The following SDK1 variants were observed in gnomAD, a reference collection of about 807,000 sequenced individuals.
SDK1 encodes protein sidekick-1.
In SDK1, 157 loss-of-function variants were observed where a neutral mutation model predicts 245.5. The ratio of observed to expected loss-of-function variants is 0.64; its 90% CI spans 0.56 to 0.73. The LOEUF is 0.73. Ranked by LOEUF, SDK1 falls within the 30% of genes least tolerant of loss-of-function variation. SDK1 has a pLI of 0.00. For synonymous variants in SDK1, 1,647 were observed against 1,278.5 expected, an observed-to-expected ratio of 1.29 and a Z score of -6.15; for missense variants, 3,583 against 3,002.3, an observed-to-expected ratio of 1.19 and a Z score of -4.52.
In SDK1 at chr7:4,173,657, C is replaced by T. The variant is rs537737048; in HGVS notation, c.4801-565C>T. Among the ~76,000 whole-genome samples, 248 of 152,312 alleles carry T rather than the reference C, an allele frequency of 1.6e-3. 1 individual carries two copies. The Middle Eastern group carries it at 0.037, about 23-fold the overall frequency. On this transcript the variant is annotated intron_variant, in intron 32 of 44. Transcript: ENST00000404826. ...GCCTGGGGCAGCTGAAGCAGATCAC[C>T]GGACCGCAAGATGATAGGCCAGGCC...
intron 1 of SDK1, among the ~76,000 whole-genome samples, chr7:3,588,663 C>G (rs1780764864): frequency 6.6e-6 from 1 of 152,250 alleles, no homozygotes; most frequent in Admixed American, 6.5e-5. Flanking sequence ...CTTTTGGGCA[C>G]CTCACTGATG....
intron 4 of SDK1, among the ~76,000 whole-genome samples, chr7:3,770,219 T>C (rs527506236): frequency 1.3e-5 from 2 of 152,272 alleles, no homozygotes; most frequent in South Asian, 4.2e-4. Flanking sequence ...ATACAATATG[T>C]AACCATTTGA....
At chr7:4,172,962 A>G (rs1180670430) in intron 32 of SDK1, among the ~76,000 whole-genome samples, 1 of 152,138 alleles carries the variant, frequency 6.6e-6, no homozygotes, top group Non-Finnish European at 1.5e-5. Flanking sequence ...CTGTTTCCAA[A>G]TAAGGTCAGG....
chr7:3,439,842 T>A (rs1780143777), intron 1 of SDK1, among the ~76,000 whole-genome samples: 1 of 152,218 alleles, frequency 6.6e-6, no homozygotes, highest in East Asian at 1.9e-4. Flanking sequence ...ACCTCCTTGC[T>A]TACTAGAGGG....
chr7:3,940,987 T>C (rs1360143784), intron 5 of SDK1, among the ~76,000 whole-genome samples: 6 of 151,824 alleles, frequency 4.0e-5, no homozygotes, highest in African/African-American at 1.5e-4. Context: ...CAGGCACGTC[T>C]TAGGAAGCTT....
At chr7:3,524,032 C>T (rs1397344934) in intron 1 of SDK1, among the ~76,000 whole-genome samples, 3 of 152,158 alleles carry the variant, frequency 2.0e-5, no homozygotes, top group African/African-American at 7.2e-5. Context: ...CCTGAGTCAG[C>T]TCATTAGCTT....
intron 20 of SDK1, among the ~76,000 whole-genome samples, chr7:4,070,971 A>G (rs1048709626): frequency 6.6e-6 from 1 of 151,830 alleles, no homozygotes; most frequent in African/African-American, 2.4e-5. Flanking sequence ...TGGCCTCCCA[A>G]AGTGTGCTGT....
Position 3,886,339 on chromosome 7 carries a change from A to C in SDK1, c.848-64584A>C, listed in dbSNP as rs539721615. ...AAGAGATAGAGATGCCGGACATAGG[A>C]AGTCGGCCAGCATGCGCTGTACGGC... On this transcript the variant is annotated intron_variant, in intron 5 of 44. Coordinates refer to ENST00000404826, the MANE Select transcript of SDK1 (RefSeq NM_152744.4). 1.5e-4 allele frequency among the ~76,000 whole-genome samples: 23 copies of C among 152,340 alleles called. 1 individual carries two copies. The highest frequency in any genetic ancestry group is 7.2e-4 in the Admixed American group (11 of 15,298).
At chr7:3,424,020 TC>T (rs1437568630) in intron 1 of SDK1, among the ~76,000 whole-genome samples, 2 of 151,906 alleles carry the variant, frequency 1.3e-5, no homozygotes, top group African/African-American at 4.8e-5. Context: ...CAAGCGATCC[TC>T]CTACCTCAAA....
intron 4 of SDK1, among the ~76,000 whole-genome samples, chr7:3,700,634 G>A (rs968771160): frequency 1.3e-5 from 2 of 151,966 alleles, no homozygotes; most frequent in African/African-American, 2.4e-5. Flanking sequence ...AGAAATCAGG[G>A]AAACAAGAAA....
At chr7:4,023,628 C>T (rs1787107430) in intron 17 of SDK1, among the ~76,000 whole-genome samples, 1 of 152,090 alleles carries the variant, frequency 6.6e-6, no homozygotes, top group African/African-American at 2.4e-5. Context: ...TAACCGAGTG[C>T]CCAGTATAAT....
At chr7:3,526,321 A>T (rs1783129503) in intron 1 of SDK1, among the ~76,000 whole-genome samples, 1 of 152,084 alleles carries the variant, frequency 6.6e-6, no homozygotes, top group African/African-American at 2.4e-5. Context: ...TGGATTTTTT[A>T]ATTAGGATAC....
intron 4 of SDK1, among the ~76,000 whole-genome samples, chr7:3,710,655 A>G (rs531759006): frequency 6.6e-6 from 1 of 152,330 alleles, no homozygotes; most frequent in Admixed American, 6.5e-5. Flanking sequence ...ACTCTCGTAA[A>G]TTACTCTTGC....
At chr7:4,220,068 A>C (rs1024925981) in intron 38 of SDK1, 41 bp from the exon 39 acceptor site, 1 of 1,597,564 alleles carries the variant, frequency 6.3e-7, no homozygotes, top group Non-Finnish European at 8.6e-7. Context: ...TTGCTTCTCC[A>C]GGCTGAACCC....
intron 4 of SDK1, among the ~76,000 whole-genome samples, chr7:3,736,954 C>T (rs1013923536): frequency 2.0e-5 from 3 of 152,184 alleles, no homozygotes; most frequent in Non-Finnish European, 4.4e-5. Flanking sequence ...CCTTGGCAAC[C>T]AGCATTCTAC....
chr7:3,767,395 T>C (rs944404161), intron 4 of SDK1, among the ~76,000 whole-genome samples: 3 of 152,114 alleles, frequency 2.0e-5, no homozygotes, highest in African/African-American at 7.2e-5. Context: ...AAGTGCCGAG[T>C]GGTCCTGAAA....
In SDK1 at chr7:3,975,897, A is replaced by G. The variant is rs536409105; in HGVS notation, c.1994+1352A>G. Among the ~76,000 whole-genome samples, 228 of 151,838 alleles carry G rather than the reference A, an allele frequency of 1.5e-3. 1 individual carries two copies. Among genetic ancestry groups the G allele is most frequent in the African/African-American group, 5.0e-3 (208 of 41,352 alleles). On this transcript the variant is annotated intron_variant, in intron 13 of 44. Transcript: ENST00000404826. ...GGGGGTCCTGGTGCTGCAGCTGCAA[A>G]GCTGCCACGTAGAGGGTCCTCCAGA...
chr7:3,576,536 G>A (rs1388959472), intron 1 of SDK1, among the ~76,000 whole-genome samples: 1 of 152,064 alleles, frequency 6.6e-6, no homozygotes, highest in Non-Finnish European at 1.5e-5. Context: ...TCTAGTTCAT[G>A]GCTATCCAGA....
At chr7:3,666,924 C>A (rs1193854909) in intron 4 of SDK1, among the ~76,000 whole-genome samples, 1 of 152,078 alleles carries the variant, frequency 6.6e-6, no homozygotes, top group Admixed American at 6.5e-5. Context: ...GCAGTCACAT[C>A]ACACTTTTCT....
Sources: allele counts gnomAD v4.1 joint callset (sites outside exome capture counted in the v4.1 genomes callset), GRCh38; gene constraint gnomAD v4.1.1; transcripts MANE v1.5; gene names NCBI Gene and HGNC (gene_info 2026-07-23, HGNC 2026-07-21).